Variants in SUMF1 observed in about 807,000 individuals in gnomAD.
The protein encoded by SUMF1 is formylglycine-generating enzyme.
Under a neutral mutation model 47.6 loss-of-function variants are expected in SUMF1, and 48 were observed. The ratio of observed to expected loss-of-function variants is 1.01; its 90% CI spans 0.80 to 1.28. The LOEUF is 1.28. Among genes scored for constraint, SUMF1 ranks in the 50% most tolerant of loss-of-function variants. SUMF1 has a pLI of 0.00. For synonymous variants in SUMF1, 230 were observed against 192.1 expected (o/e 1.20, Z -1.63); for missense variants, 571 against 485.4 (o/e 1.18, Z -1.66).
chr3:4,224,341 A>C (rs575770208), intron 8 of SUMF1, among the ~76,000 whole-genome samples: 61 of 152,116 alleles, frequency 4.0e-4, no homozygotes, highest in Non-Finnish European at 4.6e-4. Context: ...CAAGGTGTGT[A>C]ATGAGTAACT....
At chr3:4,112,691 G>A (rs1334701204) in intron 8 of SUMF1, among the ~76,000 whole-genome samples, 1 of 152,108 alleles carries the variant, frequency 6.6e-6, no homozygotes, top group Non-Finnish European at 1.5e-5. Context: ...AGGGGCAAGG[G>A]AAATGGTTAA....
intron 8 of SUMF1, among the ~76,000 whole-genome samples, chr3:4,315,447 G>GC (rs1397902669): frequency 6.6e-6 from 1 of 152,104 alleles, no homozygotes; most frequent in Non-Finnish European, 1.5e-5. Flanking sequence ...GACACAAACA[G>GC]CCCCCTCCAA....
Position 4,097,841 on chromosome 3 carries a change from G to A in SUMF1, c.1015-29096C>T, listed in dbSNP as rs1162358303. ...AGCAGTCCTTGGACCTAAAGCTTTA[G>A]CTCCAGCTATCCATCAGACTGACAG... On this transcript the variant is annotated intron_variant and NMD_transcript_variant, in intron 8 of 12. Coordinates refer to the SUMF1 transcript ENST00000448413. Among the ~76,000 whole-genome samples the A allele has an allele frequency of 2.0e-5, 3 of 152,232 alleles. No homozygotes were observed. In the East Asian group the frequency reaches 5.8e-4, roughly 29 times the overall value.
chr3:4,083,098 T>C (rs1167883889), intron 8 of SUMF1, among the ~76,000 whole-genome samples: 2 of 152,144 alleles, frequency 1.3e-5, no homozygotes, highest in East Asian at 1.9e-4. Flanking sequence ...GTGCACCCCG[T>C]GGATAAACAT....
intron 8 of SUMF1, among the ~76,000 whole-genome samples, chr3:4,257,407 G>A (rs1156981002): frequency 2.1e-5 from 3 of 145,714 alleles, no homozygotes; most frequent in Admixed American, 6.9e-5. Context: ...AGCAACTTCA[G>A]CAAAGTCTCA....
At chr3:4,167,910 G>A (rs1694746237) in intron 8 of SUMF1, among the ~76,000 whole-genome samples, 1 of 152,310 alleles carries the variant, frequency 6.6e-6, no homozygotes, top group African/African-American at 2.4e-5. Context: ...AGATAAAGCA[G>A]GCATCTCTTT....
chr3:4,365,314 G>T (rs1559247732), intron 8 of SUMF1, among the ~76,000 whole-genome samples: 1 of 121,522 alleles, frequency 8.2e-6, no homozygotes, highest in Non-Finnish European at 1.9e-5. Context: ...TTGACAGTGG[G>T]GTGTTAAAGT....
At chr3:4,280,814 CGTGT>C (rs56919301) in intron 8 of SUMF1, among the ~76,000 whole-genome samples, 8,666 of 137,252 alleles carry the variant, frequency 0.063, 355 homozygotes, top group Non-Finnish European at 0.083. Context: ...TGGCATTCAC[CGTGT>C]GTGTGTGTGT....
At chr3:4,182,314 G>C (rs969782892) in intron 8 of SUMF1, among the ~76,000 whole-genome samples, 2 of 151,096 alleles carry the variant, frequency 1.3e-5, no homozygotes, top group African/African-American at 4.9e-5. Context: ...TTATTCTATT[G>C]GCATTTATAG....
At chr3:4,289,610 C>T (rs1697700881) in intron 8 of SUMF1, among the ~76,000 whole-genome samples, 1 of 152,168 alleles carries the variant, frequency 6.6e-6, no homozygotes, top group Admixed American at 6.5e-5. Flanking sequence ...AAGGAACCCC[C>T]TCCATACTCA....
At chr3:4,344,972 C>A (rs752471940) in intron 8 of SUMF1, among the ~76,000 whole-genome samples, 1 of 151,548 alleles carries the variant, frequency 6.6e-6, no homozygotes, top group South Asian at 2.1e-4. Context: ...GACACACAGA[C>A]AAGAATAGAG....
chr3:4,343,096 T>C (rs1699304190), intron 8 of SUMF1, among the ~76,000 whole-genome samples: 2 of 152,254 alleles, frequency 1.3e-5, no homozygotes, highest in Non-Finnish European at 1.5e-5. Context: ...CAATTTCCCC[T>C]GCTTCTAACA....
At chr3:4,458,975 T>C (rs577843869) in intron 1 of SUMF1, among the ~76,000 whole-genome samples, 11 of 152,268 alleles carry the variant, frequency 7.2e-5, no homozygotes, top group Non-Finnish European at 1.6e-4. Flanking sequence ...ATCTCACTCA[T>C]ATGTGAAATC....
chr3:4,449,345 A>G lies in SUMF1; in HGVS notation c.445-5T>C, dbSNP rs1307199091. 2 of 1,614,120 alleles carry G rather than the reference A, an allele frequency of 1.2e-6. No individual in the cohort carries two copies. The highest frequency in any genetic ancestry group is 1.7e-6 in the Non-Finnish European group (2 of 1,179,970). ...GGAGTCGCCAAACTTCTCAGCCTATAAGGAAGGTAGGAAATAAAAATCCAG... is the reference window on the plus strand; with the variant it reads ...GGAGTCGCCAAACTTCTCAGCCTATGAGGAAGGTAGGAAATAAAAATCCAG... On this transcript the variant is annotated splice_region_variant and splice_polypyrimidine_tract_variant and intron_variant, in intron 2 of 8. Coordinates refer to ENST00000272902, the MANE Select transcript of SUMF1 (RefSeq NM_182760.4).
intron 8 of SUMF1, among the ~76,000 whole-genome samples, chr3:4,274,927 A>T (rs1175705046): frequency 2.0e-5 from 3 of 152,170 alleles, no homozygotes; most frequent in Admixed American, 2.0e-4. Context: ...AAGGAAGCAG[A>T]ACTGGACAAA....
At chr3:4,348,304 A>G (rs1699414160) in intron 8 of SUMF1, among the ~76,000 whole-genome samples, 1 of 152,246 alleles carries the variant, frequency 6.6e-6, no homozygotes. Context: ...TAACCAAAAC[A>G]GCATGGTACT....
intron 8 of SUMF1, among the ~76,000 whole-genome samples, chr3:4,270,405 CTCTT>C (rs1040912864): frequency 3.9e-5 from 6 of 152,016 alleles, no homozygotes; most frequent in South Asian, 2.1e-4. Flanking sequence ...TGCTCTCTCT[CTCTT>C]TCTCTCTCTC....
Position 4,060,234 on chromosome 3 carries a change from C to T in SUMF1, c.1191+8335G>A, listed in dbSNP as rs191072736. Among the ~76,000 whole-genome samples, 18 of 152,312 alleles carry T rather than the reference C, an allele frequency of 1.2e-4. 1 individual carries two copies. The East Asian group carries it at 2.9e-3, about 24-fold the overall frequency. On this transcript the variant is annotated intron_variant and NMD_transcript_variant, in intron 9 of 12. Coordinates refer to the SUMF1 transcript ENST00000448413. ...ATTAGCGATTTCTGAACTTACATGA[C>T]ATCATATACAAAGTATTTGGGCAGA...
intron 8 of SUMF1, among the ~76,000 whole-genome samples, chr3:4,268,146 A>G (rs1156362348): frequency 6.6e-6 from 1 of 152,200 alleles, no homozygotes; most frequent in Non-Finnish European, 1.5e-5. Context: ...ACAAAAAACC[A>G]AACACCGCAT....
Sources: allele counts gnomAD v4.1 joint callset (sites outside exome capture counted in the v4.1 genomes callset), GRCh38; gene constraint gnomAD v4.1.1; transcripts MANE v1.5; gene names NCBI Gene and HGNC (gene_info 2026-07-23, HGNC 2026-07-21).